ARHGAP10: variants seen among roughly 807,000 people sequenced by gnomAD.
ARHGAP10 encodes rho GTPase-activating protein 10.
ARHGAP10 carries 87 observed loss-of-function variants against 108.6 expected under a neutral mutation model. That is an observed-to-expected ratio of 0.80 (90% CI 0.67 to 0.96). The LOEUF is 0.96. Among genes scored for constraint, ARHGAP10 ranks in the 40% least tolerant of loss-of-function variants. ARHGAP10 has a pLI of 0.00. For missense variants in ARHGAP10, 939 were observed against 954.5 expected (o/e 0.98, Z 0.21); for synonymous variants, 347 against 341.1 (o/e 1.02, Z -0.19).
At chr4:147,792,786 G>C (rs1050385375) in intron 1 of ARHGAP10, among the ~76,000 whole-genome samples, 4 of 152,030 alleles carry the variant, frequency 2.6e-5, no homozygotes, top group African/African-American at 9.7e-5. Flanking sequence ...GTTTCACTCT[G>C]TGAACTCCTT....
At chr4:147,974,301 A>T (rs1739515659) in intron 18 of ARHGAP10, among the ~76,000 whole-genome samples, 1 of 152,070 alleles carries the variant, frequency 6.6e-6, no homozygotes, top group Admixed American at 6.5e-5. Flanking sequence ...ACATTTTCAT[A>T]TACCTCATTC....
At chr4:147,981,133 G>A (rs766987741) in intron 18 of ARHGAP10, among the ~76,000 whole-genome samples, 1 of 151,946 alleles carries the variant, frequency 6.6e-6, no homozygotes, top group Non-Finnish European at 1.5e-5. Context: ...TGTTTTTCTG[G>A]TTTCTTTAGG....
intron 1 of ARHGAP10, among the ~76,000 whole-genome samples, chr4:147,820,580 GTTTTTTTTT>G (rs57534364): frequency 2.0e-5 from 1 of 49,030 alleles, no homozygotes; most frequent in Non-Finnish European, 3.7e-5. Flanking sequence ...ACCTCGGCCA[GTTTTTTTTT>G]TTTTTTTTTT....
chr4:147,868,779 C>T (rs539910198), intron 7 of ARHGAP10, among the ~76,000 whole-genome samples: 11 of 152,148 alleles, frequency 7.2e-5, no homozygotes, highest in African/African-American at 2.6e-4. Context: ...GATCCACGTG[C>T]GCAGTTCACA....
intron 12 of ARHGAP10, among the ~76,000 whole-genome samples, chr4:147,910,538 G>T (rs1736689344): frequency 6.6e-6 from 1 of 152,076 alleles, no homozygotes; most frequent in African/African-American, 2.4e-5. Context: ...TTGACTACAG[G>T]CTATACAGAT....
intron 18 of ARHGAP10, among the ~76,000 whole-genome samples, chr4:147,990,395 G>T (rs1057161027): frequency 6.6e-6 from 1 of 152,112 alleles, no homozygotes; most frequent in African/African-American, 2.4e-5. Context: ...AGGCACACTG[G>T]GGCATGACAG....
In ARHGAP10 at chr4:147,913,120, C is replaced by T. The variant is rs754253794; in HGVS notation, c.1209C>T (p.Ile403=). The change falls in exon 13 of 23, where the codon ATC becomes ATT. Residue 403 remains isoleucine (I), a synonymous_variant. Transcript: ENST00000336498. ...KMGFTIIRKC[I]SAVETRGIND... Reference sequence around the variant, plus strand: ...GGTTCACAATTATCAGAAAATGCATCAGTGCCGTTGAAACACGAGGTAATA... The same window carrying T: ...GGTTCACAATTATCAGAAAATGCATTAGTGCCGTTGAAACACGAGGTAATA... 1 of 1,613,866 alleles carries T rather than the reference C, an allele frequency of 6.2e-7. No individual in the cohort carries two copies. The highest frequency in any genetic ancestry group is 1.7e-5 in the Admixed American group (1 of 60,024).
chr4:147,939,840 G>A lies in ARHGAP10; in HGVS notation c.1244G>A (p.Gly415Glu). ...AVETRGINDQ[G>E]LYRVVGVSSK... ...CTTCCCATAGGTATAAATGACCAAG[G>A]ATTGTACAGAGTTGTGGGGGTGAGT... The change falls in exon 14 of 23, where the codon GGA becomes GAA. Residue 415 changes from glycine (G) to glutamate (E), a missense_variant. Physicochemically the swap from Gly to Glu is moderately conservative, Grantham distance 98. Transcript: ENST00000336498. 1 of 1,614,034 alleles carries A rather than the reference G, an allele frequency of 6.2e-7. No homozygotes were observed. The highest frequency in any genetic ancestry group is 8.5e-7 in the Non-Finnish European group (1 of 1,179,930).
chr4:148,027,163 C>G (rs948483581), intron 19 of ARHGAP10, among the ~76,000 whole-genome samples: 14 of 152,208 alleles, frequency 9.2e-5, no homozygotes, highest in Admixed American at 9.2e-4. Flanking sequence ...TTTCTTCATG[C>G]TAGTTCTAAT....
intron 18 of ARHGAP10, among the ~76,000 whole-genome samples, chr4:147,983,531 G>C (rs1286971351): frequency 6.6e-6 from 1 of 151,288 alleles, no homozygotes; most frequent in Non-Finnish European, 1.5e-5. Context: ...TTTTTGTCTG[G>C]GTTCATTTGA....
At chr4:147,911,841 T>C (rs941563197) in intron 12 of ARHGAP10, among the ~76,000 whole-genome samples, 1 of 152,046 alleles carries the variant, frequency 6.6e-6, no homozygotes, top group Non-Finnish European at 1.5e-5. Context: ...AATATTATTT[T>C]AAAAGCTTGG....
chr4:148,040,799 T>G (rs1728600946), intron 19 of ARHGAP10, among the ~76,000 whole-genome samples: 1 of 148,918 alleles, frequency 6.7e-6, no homozygotes, highest in South Asian at 2.1e-4. Context: ...GTATTTTTAT[T>G]TATTAAAAAA....
chr4:147,852,891 T>C (rs1469993362), intron 4 of ARHGAP10, among the ~76,000 whole-genome samples: 2 of 152,000 alleles, frequency 1.3e-5, no homozygotes, highest in African/African-American at 4.8e-5. Context: ...GCTAATTTTG[T>C]ATTTTTAGTA....
intron 13 of ARHGAP10, among the ~76,000 whole-genome samples, chr4:147,938,858 A>G (rs911513869): frequency 2.6e-5 from 4 of 152,256 alleles, no homozygotes; most frequent in Non-Finnish European, 5.9e-5. Context: ...AGAAGTAAAT[A>G]TAAGTCACAT....
rs57931206 is a variant in ARHGAP10 at position 148,043,614 on chromosome 4, A to AATATAT, written c.1868-3245_1868-3240dup. On this transcript the variant is annotated intron_variant, in intron 19 of 22. Coordinates refer to ENST00000336498, the MANE Select transcript of ARHGAP10 (RefSeq NM_024605.4). Reference sequence around the variant, plus strand: ...GACAACATAGGGAGACCCTCTCTCTAATATATATATATATATATATATATA... The same window carrying AATATAT: ...GACAACATAGGGAGACCCTCTCTCTAATATATATATATATATATATATATATATATA... Among the ~76,000 whole-genome samples, 358 of 54,922 alleles carry AATATAT rather than the reference A, an allele frequency of 6.5e-3. 9 individuals carry two copies. Among genetic ancestry groups the AATATAT allele is most frequent in the African/African-American group, 0.012 (208 of 17,438 alleles). The allele number at this position is 54,922 out of a possible 152,430, so 36.0% of individuals were successfully genotyped here. A position where few individuals can be genotyped will look rare whatever the true frequency, so the allele number is the denominator to read the frequency against.
intron 18 of ARHGAP10, among the ~76,000 whole-genome samples, chr4:147,973,137 T>C (rs1015776691): frequency 3.3e-5 from 5 of 152,146 alleles, no homozygotes; most frequent in Non-Finnish European, 5.9e-5. Context: ...ATGAGTGATA[T>C]TCAGTGTCAA....
At chr4:147,956,404 T>C (rs937148296) in intron 16 of ARHGAP10, among the ~76,000 whole-genome samples, 1 of 152,134 alleles carries the variant, frequency 6.6e-6, no homozygotes, top group Non-Finnish European at 1.5e-5. Flanking sequence ...GTAGGCCCCA[T>C]TAGACTCTAC....
intron 3 of ARHGAP10, among the ~76,000 whole-genome samples, chr4:147,824,337 C>T (rs973975467): frequency 6.7e-6 from 1 of 149,888 alleles, no homozygotes; most frequent in Admixed American, 6.6e-5. Flanking sequence ...AAAAAAAATA[C>T]GGATTCTTTT....
At chr4:147,837,172 C>T (rs548077384) in intron 3 of ARHGAP10, among the ~76,000 whole-genome samples, 23 of 151,728 alleles carry the variant, frequency 1.5e-4, no homozygotes, top group African/African-American at 4.8e-4. Flanking sequence ...AGGTATAGGC[C>T]GGGGGAGGCT....
Sources: gnomAD v4.1 joint callset for allele counts (sites outside exome capture counted in the v4.1 genomes callset) on GRCh38, gnomAD v4.1.1 for gene constraint, MANE v1.5 for transcripts, NCBI Gene and HGNC (gene_info 2026-07-23, HGNC 2026-07-21) for gene names.